NUP98: variants seen among roughly 807,000 people sequenced by gnomAD.
NUP98 encodes nuclear pore complex protein Nup98-Nup96.
In NUP98, 26 loss-of-function variants were observed where a neutral mutation model predicts 191.9. The ratio of observed to expected loss-of-function variants is 0.14; its 90% CI spans 0.10 to 0.19. The LOEUF (loss-of-function observed/expected upper bound fraction) is 0.19, where lower values mean the gene tolerates loss of function less well. Ranked by LOEUF, NUP98 falls within the 10% of genes least tolerant of loss-of-function variation. The pLI is 1.00. For missense variants in NUP98, 1,941 were observed against 2,178.8 expected (o/e 0.89, Z 2.17); for synonymous variants, 808 against 778.4 (o/e 1.04, Z -0.63).
At chr11:3,780,557 A>AAAG (rs1554903899) in intron 2 of NUP98, among the ~76,000 whole-genome samples, 9 of 140,462 alleles carry the variant, frequency 6.4e-5, no homozygotes, top group African/African-American at 1.7e-4. Context: ...AAAAAAAAAA[A>AAAG]AAAAAGAAAA....
At position 3,771,945 on chromosome 11, in the gene NUP98, CAT is replaced by C; in HGVS notation, c.604-19_604-18del. On this transcript the variant is annotated intron_variant, in intron 6 of 32. Coordinates refer to ENST00000324932, the MANE Select transcript of NUP98 (RefSeq NM_016320.5). ...ACGAAGTTCCTGAAGGGAGGGAAAACATATTTCTAATCTTAACATGCAGCTAA... is the reference window on the plus strand; with the variant it reads ...ACGAAGTTCCTGAAGGGAGGGAAAACATTTCTAATCTTAACATGCAGCTAA... 1 of 1,605,800 alleles carries C rather than the reference CAT, an allele frequency of 6.2e-7. No individual in the cohort carries two copies. Among genetic ancestry groups the C allele is most frequent in the South Asian group, 1.1e-5 (1 of 90,568 alleles).
chr11:3,760,668 G>A (rs367697241), intron 9 of NUP98, 42 bp from the exon 10 acceptor site: 5 of 1,550,992 alleles, frequency 3.2e-6, no homozygotes, highest in Non-Finnish European at 4.4e-6. Flanking sequence ...ATAATATTAA[G>A]ACACACACCA....
intron 31 of NUP98, among the ~76,000 whole-genome samples, chr11:3,677,468 C>T (rs1414029653): frequency 6.2e-5 from 9 of 145,068 alleles, no homozygotes. Flanking sequence ...AGGCTGGTCT[C>T]AAGCAATCCT....
At chr11:3,692,259 C>T (rs2078337091) in intron 27 of NUP98, among the ~76,000 whole-genome samples, 1 of 150,312 alleles carries the variant, frequency 6.7e-6, no homozygotes, top group South Asian at 2.1e-4. Flanking sequence ...CTGCAGTGAG[C>T]TATAATTGCC....
At chr11:3,679,801 A>T in intron 30 of NUP98, 93 bp from the exon 31 acceptor site, 1 of 1,281,016 alleles carries the variant, frequency 7.8e-7, no homozygotes, top group South Asian at 1.5e-5. Context: ...AGGAAGGAGA[A>T]ATAATGTTGG....
chr11:3,725,246 GA>G (rs769665175), intron 14 of NUP98, 27 bp from the exon 15 acceptor site: 15 of 1,111,846 alleles, frequency 1.3e-5, no homozygotes, highest in Non-Finnish European at 1.9e-5. Context: ...AAAAGAAGAA[GA>G]AAAAAATTAC....
rs769342109 is a variant in NUP98 at position 3,725,227 on chromosome 11, C to A, written c.1731-8G>T. The A allele has an allele frequency of 1.5e-6, 2 of 1,328,922 alleles. No homozygotes were observed. Among genetic ancestry groups the A allele is most frequent in the South Asian group, 2.4e-5 (2 of 82,856 alleles). The allele number at this position is 1,328,922 out of a possible 1,614,324, so 82.3% of individuals were successfully genotyped here. ...AACTTCTTAATGCTCTTCCTATAAA[C>A]AAGAAACCAAAAGAAGAAGAAAAAA... is the stretch of plus-strand genomic sequence containing the variant. On this transcript the variant is annotated splice_region_variant and splice_polypyrimidine_tract_variant and intron_variant, in intron 14 of 32. Coordinates refer to ENST00000324932, the MANE Select transcript of NUP98 (RefSeq NM_016320.5).
At chr11:3,698,865 TTC>T in intron 25 of NUP98, 3 of 572,156 alleles carry the variant, frequency 5.2e-6, no homozygotes, top group East Asian at 3.1e-5. Context: ...TGTCTTCTAA[TTC>T]TCTGTTTAGG....
chr11:3,723,504 AATG>A (rs2079489048), intron 15 of NUP98, 49 bp from the exon 16 acceptor site: 2 of 1,492,386 alleles, frequency 1.3e-6, no homozygotes, highest in Admixed American at 1.7e-5. Context: ...TAGTAATAAC[AATG>A]ATAATAGCTA....
intron 30 of NUP98, among the ~76,000 whole-genome samples, chr11:3,680,683 C>A (rs1320659615): frequency 6.6e-6 from 1 of 151,752 alleles, no homozygotes; most frequent in African/African-American, 2.4e-5. Context: ...ATAGCTGCGA[C>A]CACAGGTGTG....
intron 29 of NUP98, among the ~76,000 whole-genome samples, chr11:3,684,398 T>C (rs1199613883): frequency 2.6e-5 from 4 of 152,204 alleles, no homozygotes; most frequent in Non-Finnish European, 5.9e-5. Context: ...AAAACTATTC[T>C]CATTATGGAC....
intron 29 of NUP98, among the ~76,000 whole-genome samples, chr11:3,684,246 T>A (rs530123325): frequency 6.6e-6 from 1 of 151,366 alleles, no homozygotes; most frequent in Non-Finnish European, 1.5e-5. Flanking sequence ...ACACATAGCA[T>A]TAATTTTTAA....
rs2081305391 is a variant in NUP98 at position 3,765,432 on chromosome 11, CCTAT to C, written c.949-2397_949-2394del. ...TCTTTTCTGCTTTTGCTTTTGGTGT[CCTAT>C]CTAAGATATTACTGTCTAACTAGGT... On this transcript the variant is annotated intron_variant, in intron 8 of 32. Transcript: ENST00000324932. Among the ~76,000 whole-genome samples, 4 of 152,294 alleles carry C rather than the reference CCTAT, an allele frequency of 2.6e-5. No individual in the cohort carries two copies. In the South Asian group the frequency reaches 6.2e-4, roughly 24 times the overall value.
chr11:3,681,537 C>T (rs915563339), intron 30 of NUP98, among the ~76,000 whole-genome samples: 1 of 152,168 alleles, frequency 6.6e-6, no homozygotes, highest in Admixed American at 6.5e-5. Context: ...AAAACATTAA[C>T]CTCCTTATAC....
chr11:3,746,293 A>AC (rs1564877281), intron 11 of NUP98, among the ~76,000 whole-genome samples: 2 of 139,030 alleles, frequency 1.4e-5, no homozygotes, highest in Non-Finnish European at 3.3e-5. Flanking sequence ...AAAAAAAAAA[A>AC]AGACAGCTTT....
At position 3,733,465 on chromosome 11, in the gene NUP98, C is replaced by T. The variant is rs1007821602; in HGVS notation, c.1542+1726G>A. Among the ~76,000 whole-genome samples the T allele has an allele frequency of 5.5e-4, 84 of 152,236 alleles. 1 individual carries two copies. The highest frequency in any genetic ancestry group is 2.0e-3 in the African/African-American group (81 of 41,526). The stretch of plus-strand genomic sequence containing the variant: ...TAGCTGGGATTATGGGCACGCACCA[C>T]CATGCCTGGCTAATTTTTTTTTATT... On this transcript the variant is annotated intron_variant, in intron 13 of 32. Transcript: ENST00000324932.
intron 11 of NUP98, among the ~76,000 whole-genome samples, chr11:3,750,330 A>G (rs2080699461): frequency 6.6e-6 from 1 of 152,014 alleles, no homozygotes; most frequent in East Asian, 1.9e-4. Flanking sequence ...TACATTGCCC[A>G]AGTAATCCGC....
chr11:3,729,712 C>A (rs949897559), intron 14 of NUP98, among the ~76,000 whole-genome samples: 1 of 54,256 alleles, frequency 1.8e-5, no homozygotes, highest in South Asian at 6.1e-4. Flanking sequence ...AAGACTCTTG[C>A]CTCAAAAAAA....
intron 13 of NUP98, 85 bp downstream of exon 13, chr11:3,735,106 A>G (rs1298367866): frequency 7.7e-7 from 1 of 1,295,960 alleles, no homozygotes; most frequent in East Asian, 2.6e-5. Context: ...TAATCCCTTA[A>G]TATATACAGG....
Sources: gnomAD v4.1 joint callset for allele counts (sites outside exome capture counted in the v4.1 genomes callset) on GRCh38, gnomAD v4.1.1 for gene constraint, MANE v1.5 for transcripts, NCBI Gene and HGNC (gene_info 2026-07-23, HGNC 2026-07-21) for gene names.